Variants in PELI2 observed in about 807,000 individuals in gnomAD.
PELI2 encodes the protein pellino E3 ubiquitin protein ligase family member 2.
PELI2 carries 23 observed loss-of-function variants against 42.3 expected under a neutral mutation model. The observed-to-expected ratio is 0.54, with a 90% CI of 0.39 to 0.77. The LOEUF (loss-of-function observed/expected upper bound fraction) is 0.77. PELI2 is among the 30% of genes least tolerant of loss of function. The pLI is 0.00. For missense variants in PELI2, 463 were observed against 553.2 expected, an observed-to-expected ratio of 0.84 and a Z score of 1.64; for synonymous variants, 245 against 212.2, an observed-to-expected ratio of 1.15 and a Z score of -1.34.
chr14:56,157,756 A>C (rs906339052), intron 1 of PELI2, among the ~76,000 whole-genome samples: 1 of 152,210 alleles, frequency 6.6e-6, no homozygotes, highest in Non-Finnish European at 1.5e-5. Flanking sequence ...AAAAAGTTTA[A>C]AGTAAATATA....
intron 2 of PELI2, among the ~76,000 whole-genome samples, chr14:56,237,702 G>A (rs715756): frequency 0.41 from 60,653 of 148,650 alleles, 13,024 homozygotes; most frequent in South Asian, 0.54. Flanking sequence ...TAGTGTGTCC[G>A]TTCCTCAAAC....
chr14:56,275,236 A>C (rs552757561), intron 2 of PELI2, among the ~76,000 whole-genome samples: 1 of 152,140 alleles, frequency 6.6e-6, no homozygotes, highest in Admixed American at 6.5e-5. Context: ...CCAATAGAGA[A>C]GTGAATATAG....
chr14:56,151,206 C>T (rs1025610719), intron 1 of PELI2, among the ~76,000 whole-genome samples: 6 of 152,192 alleles, frequency 3.9e-5, no homozygotes, highest in African/African-American at 1.4e-4. Flanking sequence ...GGTTTAATGC[C>T]ACGTGGCCTT....
intron 2 of PELI2, among the ~76,000 whole-genome samples, chr14:56,218,576 C>T (rs984415052): frequency 1.3e-5 from 2 of 152,236 alleles, no homozygotes; most frequent in Non-Finnish European, 2.9e-5. Flanking sequence ...TACTCTTCCA[C>T]CTCCCAGATG....
chr14:56,293,661 A>G (rs1391074364), intron 5 of PELI2, among the ~76,000 whole-genome samples: 2 of 152,180 alleles, frequency 1.3e-5, no homozygotes, highest in East Asian at 3.9e-4. Flanking sequence ...CATGGTCTGG[A>G]GGAGGTCACA....
chr14:56,263,889 C>T (rs1037257768), intron 2 of PELI2, among the ~76,000 whole-genome samples: 7 of 21,822 alleles, frequency 3.2e-4, no homozygotes, highest in East Asian at 1.6e-3. Flanking sequence ...TTAATGCAGA[C>T]GATTTTTTTT....
chr14:56,291,127 G>A (rs1056732320), intron 5 of PELI2, among the ~76,000 whole-genome samples: 3 of 152,100 alleles, frequency 2.0e-5, no homozygotes, highest in African/African-American at 7.2e-5. Context: ...TCTTGCCATA[G>A]CCATGTAGCA....
chr14:56,283,552 G>A (rs552403921), intron 3 of PELI2, among the ~76,000 whole-genome samples: 1 of 152,302 alleles, frequency 6.6e-6, no homozygotes, highest in South Asian at 2.1e-4. Flanking sequence ...GGGTCTCAGG[G>A]ACCCTCTGGG....
At position 56,298,338 on chromosome 14, in the gene PELI2, G is replaced by A. The variant is rs77556061; in HGVS notation, c.*1172G>A. On this transcript the variant is annotated 3_prime_UTR_variant, in exon 6 of 6. Coordinates refer to ENST00000267460, the MANE Select transcript of PELI2 (RefSeq NM_021255.3). ...GCTTTTGAGAGAGCAAATGAGTGTT[G>A]CTGAGGAATAATTAAATGAGAATTT... 2 of 143,504 alleles carry A rather than the reference G, an allele frequency of 1.4e-5. No homozygotes were observed. Among genetic ancestry groups the A allele is most frequent in the African/African-American group, 5.2e-5 (2 of 38,150 alleles). The allele number at this position is 143,504 out of a possible 1,614,324, so 8.9% of individuals were successfully genotyped here. A position where few individuals can be genotyped will look rare whatever the true frequency, so the allele number is the denominator to read the frequency against.
chr14:56,169,982 T>G (rs1216607408), intron 1 of PELI2, among the ~76,000 whole-genome samples: 1 of 152,216 alleles, frequency 6.6e-6, no homozygotes, highest in Admixed American at 6.5e-5. Flanking sequence ...AGTGCATTTA[T>G]ACAGTGAGTT....
At position 56,118,622 on chromosome 14, in the gene PELI2, G is replaced by T. The variant is rs1882938696; in HGVS notation, c.-39G>T. ...CTCGGCGGGGATCGCGGCGGAGGCGGCGGCGTCGGCGGCGGCGTCGGCGGC... is the reference window on the plus strand; with the variant it reads ...CTCGGCGGGGATCGCGGCGGAGGCGTCGGCGTCGGCGGCGGCGTCGGCGGC... On this transcript the variant is annotated 5_prime_UTR_variant, in exon 1 of 6. Transcript: ENST00000267460. 5 of 1,264,574 alleles carry T rather than the reference G, an allele frequency of 4.0e-6. No individual in the cohort carries two copies. The African/African-American group carries it at 4.9e-5, about 12-fold the overall frequency. 78.3% of individuals were successfully genotyped at this position (1,264,574 alleles called of 1,614,324 possible).
At chr14:56,165,277 A>C (rs1417176248) in intron 1 of PELI2, among the ~76,000 whole-genome samples, 1 of 152,102 alleles carries the variant, frequency 6.6e-6, no homozygotes, top group East Asian at 1.9e-4. Flanking sequence ...TAAGTTCTTC[A>C]TTGACCCACT....
At chr14:56,178,271 T>C (rs1725647839) in intron 1 of PELI2, 64 bp from the exon 2 acceptor site, 9 of 1,565,020 alleles carry the variant, frequency 5.8e-6, no homozygotes, top group Non-Finnish European at 7.9e-6. Context: ...TCAATACCTC[T>C]AACTTTTATG....
chr14:56,291,581 A>C (rs186383524), intron 5 of PELI2, among the ~76,000 whole-genome samples: 1 of 152,368 alleles, frequency 6.6e-6, no homozygotes, highest in African/African-American at 2.4e-5. Context: ...CAAAGGAGGA[A>C]ATGTGAAAGC....
At chr14:56,243,752 A>G (rs970315405) in intron 2 of PELI2, among the ~76,000 whole-genome samples, 1 of 152,250 alleles carries the variant, frequency 6.6e-6, no homozygotes, top group Non-Finnish European at 1.5e-5. Context: ...AAGAAAAACT[A>G]CAGCTCAAAA....
rs1375290014 is a variant in PELI2, at chr14:56,118,682, G to A, written c.22G>A (p.Glu8Lys). 1.6e-5 allele frequency: 24 copies of A among 1,509,882 alleles called. No homozygotes were observed. The highest frequency in any genetic ancestry group is 1.9e-5 in the Non-Finnish European group (21 of 1,128,434). 93.5% of individuals were successfully genotyped at this position (1,509,882 alleles called of 1,614,324 possible). A position where few individuals can be genotyped will look rare whatever the true frequency, so the allele number is the denominator to read the frequency against. The change falls in exon 1 of 6, where the codon GAA becomes AAA. Residue 8 changes from glutamate (E) to lysine (K), a missense_variant. Transcript: ENST00000267460. ...CTCCATGTTTTCCCCTGGCCAGGAG[G>A]AACACTGCGCCCCCAATAAGGAGCC... MFSPGQE[E>K]HCAPNKEPVK... is the part of the protein sequence containing the mutation.
chr14:56,177,588 A>G (rs981666856), intron 1 of PELI2, among the ~76,000 whole-genome samples: 5 of 152,214 alleles, frequency 3.3e-5, no homozygotes, highest in Admixed American at 2.6e-4. Flanking sequence ...TTGAAATGCT[A>G]ACTGTGATCC....
Position 56,295,697 on chromosome 14 carries a change from G to A in PELI2, c.697-903G>A, listed in dbSNP as rs76279199. On this transcript the variant is annotated intron_variant, in intron 5 of 5. Coordinates refer to ENST00000267460, the MANE Select transcript of PELI2 (RefSeq NM_021255.3). ...TTTAAACAAGGGGAAACTGAGGCAC[G>A]AGGAGTTTAAGTAATCTGCACAGCG... is the stretch of plus-strand genomic sequence containing the variant. Among the ~76,000 whole-genome samples the A allele has an allele frequency of 6.3e-3, 965 of 152,336 alleles. 11 individuals carry two copies. The highest frequency in any genetic ancestry group is 0.022 in the African/African-American group (903 of 41,574).
chr14:56,241,315 G>T (rs538088738), intron 2 of PELI2, among the ~76,000 whole-genome samples: 5 of 152,122 alleles, frequency 3.3e-5, no homozygotes, highest in Non-Finnish European at 5.9e-5. Flanking sequence ...AGAACAATTG[G>T]GGGGGAAAAA....
Sources: gnomAD v4.1 joint callset for allele counts (sites outside exome capture counted in the v4.1 genomes callset) on GRCh38, gnomAD v4.1.1 for gene constraint, MANE v1.5 for transcripts, NCBI Gene and HGNC (gene_info 2026-07-23, HGNC 2026-07-21) for gene names.